The following KCNQ5 variants were observed in gnomAD, a reference collection of about 807,000 sequenced individuals.
KCNQ5 encodes potassium voltage-gated channel subfamily Q member 5, also known as potassium voltage-gated channel subfamily KQT member 5.
In KCNQ5, 30 loss-of-function variants were observed where a neutral mutation model predicts 98.2. The ratio of observed to expected loss-of-function variants is 0.31; its 90% CI spans 0.23 to 0.41. The LOEUF (loss-of-function observed/expected upper bound fraction) is 0.41, where lower values mean the gene tolerates loss of function less well. KCNQ5 is among the 10% of genes least tolerant of loss of function. KCNQ5 has a pLI of 1.00. For synonymous variants in KCNQ5, 458 were observed against 449.4 expected, an observed-to-expected ratio of 1.02 and a Z score of -0.24; for missense variants, 835 against 1,182.5, an observed-to-expected ratio of 0.71 and a Z score of 4.31.
intron 1 of KCNQ5, among the ~76,000 whole-genome samples, chr6:72,899,272 A>G (rs1331460594): frequency 6.6e-6 from 1 of 152,200 alleles, no homozygotes; most frequent in Non-Finnish European, 1.5e-5. Context: ...TTCATTTCTA[A>G]TAACCATATA....
At chr6:72,984,999 T>C (rs910834389) in intron 1 of KCNQ5, among the ~76,000 whole-genome samples, 3 of 152,110 alleles carry the variant, frequency 2.0e-5, no homozygotes, top group African/African-American at 7.2e-5. Context: ...ATGAAATCAG[T>C]AGTTAGACCA....
At chr6:73,033,660 A>G (rs1771252692) in intron 2 of KCNQ5, among the ~76,000 whole-genome samples, 1 of 151,838 alleles carries the variant, frequency 6.6e-6, no homozygotes, top group African/African-American at 2.4e-5. Context: ...AAGCATCCAT[A>G]CCCCTTCACA....
At chr6:72,762,289 T>G (rs947024404) in intron 1 of KCNQ5, among the ~76,000 whole-genome samples, 5 of 151,928 alleles carry the variant, frequency 3.3e-5, no homozygotes, top group African/African-American at 1.2e-4. Context: ...TTTAGTTTTG[T>G]GAGACTAAAG....
At chr6:72,984,222 G>C (rs1467255192) in intron 1 of KCNQ5, among the ~76,000 whole-genome samples, 1 of 152,172 alleles carries the variant, frequency 6.6e-6, no homozygotes, top group Non-Finnish European at 1.5e-5. Flanking sequence ...ACCATGCTGG[G>C]AGAACCACTG....
intron 2 of KCNQ5, among the ~76,000 whole-genome samples, chr6:73,034,031 C>T (rs913190508): frequency 1.2e-4 from 18 of 152,114 alleles, no homozygotes; most frequent in South Asian, 2.1e-4. Context: ...GACACAATTC[C>T]GGAAGATATT....
chr6:72,712,756 A>T (rs1769432636), intron 1 of KCNQ5, among the ~76,000 whole-genome samples: 1 of 152,158 alleles, frequency 6.6e-6, no homozygotes, highest in Non-Finnish European at 1.5e-5. Context: ...TCCTCCTGTT[A>T]CTTCACTCTG....
In KCNQ5 at chr6:73,195,167, C is replaced by T. The variant is rs759197823; in HGVS notation, c.2552C>T (p.Ser851Leu). The change falls in exon 14 of 14, where the codon TCA (serine) becomes TTA (leucine). Residue 851 changes from serine (S) to leucine (L), a missense_variant. Physicochemically the swap from Ser to Leu is moderately radical, Grantham distance 145. This residue lies in a region of KCNQ5 where 416 missense variants were observed against 446.9 expected (regional missense o/e 0.93). Transcript: ENST00000370398. ...AATATACAACTTTCAGGGAGTGAGT[C>T]AAGTGGCTCCAGAGGCAGCCAAGAT... ...ELNIQLSGSE[S>L]SGSRGSQDFY... is the part of the protein sequence containing the mutation. 1 of 1,614,116 alleles carries T rather than the reference C, an allele frequency of 6.2e-7. No individual in the cohort carries two copies. Among genetic ancestry groups the T allele is most frequent in the Non-Finnish European group, 8.5e-7 (1 of 1,180,022 alleles).
At chr6:72,958,151 T>C (rs1296573085) in intron 1 of KCNQ5, among the ~76,000 whole-genome samples, 1 of 152,120 alleles carries the variant, frequency 6.6e-6, no homozygotes, top group Non-Finnish European at 1.5e-5. Context: ...TGGAAAGGGT[T>C]CCCTTATGAA....
chr6:72,825,225 A>G (rs1775939929), intron 1 of KCNQ5, among the ~76,000 whole-genome samples: 1 of 151,998 alleles, frequency 6.6e-6, no homozygotes, highest in Non-Finnish European at 1.5e-5. Flanking sequence ...CTACTTTGCA[A>G]AGAGAGCAAC....
chr6:72,694,584 A>G (rs891278511), intron 1 of KCNQ5, among the ~76,000 whole-genome samples: 1 of 152,194 alleles, frequency 6.6e-6, no homozygotes, highest in African/African-American at 2.4e-5. Context: ...TTCCTCATCT[A>G]TAAGATAAAG....
At chr6:72,719,162 GCAGGAATCTGAATTCCCGTT>G (rs1385462040) in intron 1 of KCNQ5, among the ~76,000 whole-genome samples, 1 of 152,182 alleles carries the variant, frequency 6.6e-6, no homozygotes, top group African/African-American at 2.4e-5. Flanking sequence ...CCCTGAACCA[GCAGGAATCTGAATTCCCGTT>G]CAGATATTTA....
intron 2 of KCNQ5, among the ~76,000 whole-genome samples, chr6:73,011,580 C>T (rs1457642252): frequency 6.6e-6 from 1 of 151,970 alleles, no homozygotes; most frequent in African/African-American, 2.4e-5. Context: ...TTGGACATAA[C>T]ACCAAAGGTG....
intron 1 of KCNQ5, among the ~76,000 whole-genome samples, chr6:72,972,060 G>T (rs9360623): frequency 1.3e-5 from 2 of 152,184 alleles, no homozygotes; most frequent in South Asian, 4.1e-4. Flanking sequence ...CAGGGACAAT[G>T]TCTTGTTATG....
At chr6:72,922,876 A>G (rs554248072) in intron 1 of KCNQ5, among the ~76,000 whole-genome samples, 3 of 133,770 alleles carry the variant, frequency 2.2e-5, no homozygotes, top group South Asian at 2.3e-4. Context: ...CAGTGTCTCA[A>G]TCTTGGCTCA....
chr6:73,099,652 C>T (rs899425414), intron 5 of KCNQ5, among the ~76,000 whole-genome samples: 2 of 152,028 alleles, frequency 1.3e-5, no homozygotes, highest in Non-Finnish European at 2.9e-5. Flanking sequence ...TATATATGCA[C>T]CCAACACTGG....
intron 1 of KCNQ5, among the ~76,000 whole-genome samples, chr6:72,769,181 A>T (rs921960116): frequency 6.6e-6 from 1 of 152,132 alleles, no homozygotes; most frequent in Non-Finnish European, 1.5e-5. Context: ...ATCATGCCAT[A>T]CCAATACATG....
chr6:72,757,979 C>CAT (rs1374334347), intron 1 of KCNQ5, among the ~76,000 whole-genome samples: 1 of 151,932 alleles, frequency 6.6e-6, no homozygotes, highest in Non-Finnish European at 1.5e-5. Flanking sequence ...GCTGCAGTAG[C>CAT]ATAGTATCTG....
At chr6:72,942,458 G>C (rs769707405) in intron 1 of KCNQ5, among the ~76,000 whole-genome samples, 19 of 152,120 alleles carry the variant, frequency 1.2e-4, no homozygotes, top group Non-Finnish European at 2.6e-4. Flanking sequence ...CTGCCAAGTA[G>C]ACATAAGGAG....
chr6:72,672,797 T>G (rs529526200), intron 1 of KCNQ5, among the ~76,000 whole-genome samples: 1 of 152,242 alleles, frequency 6.6e-6, no homozygotes, highest in Admixed American at 6.5e-5. Flanking sequence ...TTTATCACTT[T>G]CATTTCATAA....
Sources: allele counts gnomAD v4.1 joint callset (sites outside exome capture counted in the v4.1 genomes callset), GRCh38; gene constraint gnomAD v4.1.1; regional missense constraint gnomAD v4.1.1; transcripts MANE v1.5; gene names NCBI Gene and HGNC (gene_info 2026-07-23, HGNC 2026-07-21).